Variants in KLHL4 observed in about 807,000 individuals in gnomAD.
KLHL4 encodes the protein kelch-like protein 4.
A neutral mutation model predicts 45.8 loss-of-function variants in KLHL4; 17 were observed. That is an observed-to-expected ratio of 0.37 (90% confidence interval 0.25 to 0.56). The LOEUF (loss-of-function observed/expected upper bound fraction) is 0.56, where lower values mean the gene tolerates loss of function less well. Among genes scored for constraint, KLHL4 ranks in the 20% least tolerant of loss-of-function variants. The pLI is 0.79. For missense variants in KLHL4, 544 were observed against 544.9 expected (o/e 1.00, Z 0.02); for synonymous variants, 224 against 189.9 (o/e 1.18, Z -1.47).
intron 6 of KLHL4, among the ~76,000 whole-genome samples, chrX:87,628,346 T>G (rs868629429): frequency 9.6e-6 from 1 of 104,365 alleles, no homozygotes; most frequent in Non-Finnish European, 2.0e-5. Flanking sequence ...CTCTTTGGGG[T>G]TTTAGAATCT....
In KLHL4 at chrX:87,517,977, T is replaced by C; in HGVS notation, c.84T>C (p.Gly28=). 8.3e-7 allele frequency: 1 copy of C among 1,211,265 alleles called. No homozygotes were observed. Among genetic ancestry groups the C allele is most frequent in the Non-Finnish European group, 1.1e-6 (1 of 895,248 alleles). The change falls in exon 1 of 11, where the codon GGT becomes GGC. Residue 28 remains glycine, a synonymous_variant. Transcript: ENST00000373119. Reference sequence around the variant, plus strand: ...GGTGGTTTAGTCATCCTTTTCAAGGTTCCACCAACACTGGAAGCTGTCTTC... The same window carrying C: ...GGTGGTTTAGTCATCCTTTTCAAGGCTCCACCAACACTGGAAGCTGTCTTC... The part of the protein sequence containing the change: ...RWRWFSHPFQ[G]STNTGSCLQQ...
intron 1 of KLHL4, among the ~76,000 whole-genome samples, chrX:87,533,548 C>T: frequency 1.3e-5 from 1 of 79,045 alleles, no homozygotes; most frequent in East Asian, 4.6e-4. Flanking sequence ...ACTCTGGGGA[C>T]TGTTGTGGGG....
chrX:87,592,341 C>T (rs1024606008), intron 1 of KLHL4, among the ~76,000 whole-genome samples: 3 of 111,687 alleles, frequency 2.7e-5, no homozygotes, highest in Non-Finnish European at 5.6e-5. Context: ...GATATCTCTT[C>T]GATGTACTGA....
chrX:87,616,265 C>T (rs1256507399), intron 3 of KLHL4, among the ~76,000 whole-genome samples: 3 of 110,922 alleles, frequency 2.7e-5, no homozygotes, highest in Non-Finnish European at 5.7e-5. Flanking sequence ...GTAACTCTAG[C>T]GGTATGCATG....
chrX:87,586,824 T>A (rs931971749), intron 1 of KLHL4, among the ~76,000 whole-genome samples: 2 of 110,125 alleles, frequency 1.8e-5, no homozygotes, highest in South Asian at 3.8e-4. Context: ...ATACAAAAGA[T>A]CAATGAAACA....
intron 1 of KLHL4, among the ~76,000 whole-genome samples, chrX:87,593,989 A>G (rs920291234): frequency 8.9e-6 from 1 of 112,111 alleles, no homozygotes; most frequent in Non-Finnish European, 1.9e-5. Context: ...TCACCTGTTC[A>G]ATGATTATGG....
At position 87,539,190 on chromosome X, in the gene KLHL4, C is replaced by A. The variant is rs73509857; in HGVS notation, c.422+20875C>A. On this transcript the variant is annotated intron_variant, in intron 1 of 10. Transcript: ENST00000373119. Reference sequence around the variant, plus strand: ...ACATTTGTGTCATTTTTGTTTTAGACTGTTGCCATACTAGTATTTCTAAAA... The same window carrying A: ...ACATTTGTGTCATTTTTGTTTTAGAATGTTGCCATACTAGTATTTCTAAAA... Among the ~76,000 whole-genome samples the A allele has an allele frequency of 4.6e-3, 508 of 110,869 alleles. 2 individuals are homozygous for A. Among genetic ancestry groups the A allele is most frequent in the African/African-American group, 0.016 (495 of 30,623 alleles).
intron 1 of KLHL4, among the ~76,000 whole-genome samples, chrX:87,525,616 C>A (rs766685375): frequency 9.0e-6 from 1 of 111,216 alleles, no homozygotes; most frequent in Non-Finnish European, 1.9e-5. Flanking sequence ...TAAATCAAAT[C>A]GTTTTCAGTT....
At chrX:87,542,163 G>C (rs1348282691) in intron 1 of KLHL4, among the ~76,000 whole-genome samples, 2 of 112,212 alleles carry the variant, frequency 1.8e-5, no homozygotes, top group Non-Finnish European at 3.8e-5. Context: ...TTCACAAAGA[G>C]ATGATTTGAA....
intron 1 of KLHL4, among the ~76,000 whole-genome samples, chrX:87,608,685 G>A (rs1602441557): frequency 9.0e-6 from 1 of 111,253 alleles, no homozygotes; most frequent in East Asian, 2.8e-4. Flanking sequence ...GAACATGCAT[G>A]TCACATGGCA....
Position 87,622,439 on chromosome X carries a change from T to C in KLHL4, c.1137+16T>C. ...CCCACCACAGGTATGGAAAATTACC[T>C]AGGTAATTTAAAATATAGTTCTGAA... On this transcript the variant is annotated intron_variant, in intron 5 of 10. Coordinates refer to ENST00000373119, the MANE Select transcript of KLHL4 (RefSeq NM_019117.5). 3 of 1,089,747 alleles carry C rather than the reference T, an allele frequency of 2.8e-6. No homozygotes were observed. The highest frequency in any genetic ancestry group is 3.8e-6 in the Non-Finnish European group (3 of 798,387). 89.8% of individuals were successfully genotyped at this position (1,089,747 alleles called of 1,213,427 possible). A position where few individuals can be genotyped will look rare whatever the true frequency, so the allele number is the denominator to read the frequency against.
rs67869297 is a variant in KLHL4 at position 87,623,288 on chromosome X, C to CTTTT, written c.1137+886_1137+889dup. Among the ~76,000 whole-genome samples, 161 of 50,177 alleles carry CTTTT rather than the reference C, an allele frequency of 3.2e-3. 1 individual carries two copies. The highest frequency in any genetic ancestry group is 3.8e-3 in the African/African-American group (44 of 11,649). 43.6% of individuals were successfully genotyped at this position (50,177 alleles called of 115,157 possible). ...ATCTGTTGATGATTTTTCCTTTTTT[C>CTTTT]TTTTTTTTTTTTTTTTTTTTTTTTG... is the stretch of plus-strand genomic sequence containing the variant. On this transcript the variant is annotated intron_variant, in intron 5 of 10. Transcript: ENST00000373119.
intron 2 of KLHL4, 76 bp from the exon 3 acceptor site, chrX:87,614,358 C>A: frequency 1.0e-6 from 1 of 991,711 alleles, no homozygotes; most frequent in Non-Finnish European, 1.4e-6. Flanking sequence ...GTGTTACAAA[C>A]TTGCTGAATC....
chrX:87,656,511 G>A (rs1923994615), intron 9 of KLHL4, among the ~76,000 whole-genome samples: 1 of 107,705 alleles, frequency 9.3e-6, no homozygotes, highest in African/African-American at 3.4e-5. Flanking sequence ...TTCCTTCAAT[G>A]AATTTTCCTT....
chrX:87,533,927 T>C (rs1602403286), intron 1 of KLHL4, among the ~76,000 whole-genome samples: 1 of 110,606 alleles, frequency 9.0e-6, no homozygotes, highest in East Asian at 2.9e-4. Context: ...ATAGAGAACA[T>C]TGAAACCAGG....
chrX:87,572,488 T>A (rs1384864870), intron 1 of KLHL4, among the ~76,000 whole-genome samples: 4 of 111,114 alleles, frequency 3.6e-5, no homozygotes, highest in Non-Finnish European at 7.6e-5. Context: ...ATATGTTCAA[T>A]GTTTTTATAT....
chrX:87,653,218 G>T (rs1923876059), intron 9 of KLHL4, among the ~76,000 whole-genome samples: 1 of 111,556 alleles, frequency 9.0e-6, no homozygotes, highest in African/African-American at 3.3e-5. Flanking sequence ...TTTTGTATAA[G>T]GTGTAAGGAA....
chrX:87,601,174 A>T (rs1347031742), intron 1 of KLHL4, among the ~76,000 whole-genome samples: 1 of 112,034 alleles, frequency 8.9e-6, no homozygotes, highest in African/African-American at 3.2e-5. Context: ...GGCAAGTTTT[A>T]GGGCAGGAGT....
At chrX:87,665,071 C>T (rs1402181034) in intron 10 of KLHL4, 136 bp downstream of exon 10, 4 of 406,757 alleles carry the variant, frequency 9.8e-6, no homozygotes, top group African/African-American at 2.5e-5. Flanking sequence ...AGTATGTGCT[C>T]TATCTATGCC....
Sources: gnomAD v4.1 joint callset for allele counts (sites outside exome capture counted in the v4.1 genomes callset) on GRCh38, gnomAD v4.1.1 for gene constraint, MANE v1.5 for transcripts, NCBI Gene and HGNC (gene_info 2026-07-23, HGNC 2026-07-21) for gene names.